The following VAV3 variants were observed in gnomAD, a reference collection of about 807,000 sequenced individuals.
VAV3 encodes guanine nucleotide exchange factor VAV3.
In VAV3, 94 loss-of-function variants were observed where a neutral mutation model predicts 131.2. The ratio of observed to expected loss-of-function variants is 0.72; its 90% CI spans 0.61 to 0.85. VAV3 has a LOEUF of 0.85. Ranked by LOEUF, VAV3 falls within the 40% of genes least tolerant of loss-of-function variation. VAV3 has a pLI of 0.00. For synonymous variants in VAV3, 349 were observed against 342.0 expected (o/e 1.02, Z -0.22); for missense variants, 939 against 1,002.7 (o/e 0.94, Z 0.86).
At chr1:107,702,982 C>A (rs564450160) in intron 17 of VAV3, among the ~76,000 whole-genome samples, 1 of 152,230 alleles carries the variant, frequency 6.6e-6, no homozygotes, top group South Asian at 2.1e-4. Flanking sequence ...GCTCACATAG[C>A]TAACAAATGG....
intron 15 of VAV3, among the ~76,000 whole-genome samples, chr1:107,716,338 C>T (rs1042141457): frequency 6.6e-6 from 1 of 152,128 alleles, no homozygotes; most frequent in Non-Finnish European, 1.5e-5. Context: ...TTTAAAAGTG[C>T]TTTGGTGGGC....
intron 2 of VAV3, among the ~76,000 whole-genome samples, chr1:107,827,520 G>A (rs1338055761): frequency 6.6e-6 from 1 of 152,174 alleles, no homozygotes; most frequent in Non-Finnish European, 1.5e-5. Flanking sequence ...TTGATACAAG[G>A]AGAGAAAACT....
At chr1:107,657,074 C>A (rs1237292434) in intron 19 of VAV3, among the ~76,000 whole-genome samples, 1 of 151,702 alleles carries the variant, frequency 6.6e-6, no homozygotes, top group Non-Finnish European at 1.5e-5. Context: ...CCTGTCTCAG[C>A]CTCCGAAGTA....
chr1:107,948,242 A>C (rs776220785), intron 1 of VAV3, among the ~76,000 whole-genome samples: 2 of 152,194 alleles, frequency 1.3e-5, no homozygotes, highest in Admixed American at 6.5e-5. Flanking sequence ...AAAAATGAAA[A>C]ACATACATGA....
At chr1:107,797,288 T>C (rs1666594419) in intron 2 of VAV3, among the ~76,000 whole-genome samples, 1 of 152,224 alleles carries the variant, frequency 6.6e-6, no homozygotes, top group Admixed American at 6.5e-5. Context: ...TCTTAGTAAT[T>C]CTTAATCTTG....
chr1:107,790,084 C>T (rs998226709), intron 2 of VAV3, among the ~76,000 whole-genome samples: 1 of 152,098 alleles, frequency 6.6e-6, no homozygotes, highest in Non-Finnish European at 1.5e-5. Flanking sequence ...CATCCCAAAG[C>T]CCCCCCAGCT....
chr1:107,764,670 G>A (rs1462988170), intron 9 of VAV3, among the ~76,000 whole-genome samples: 1 of 152,158 alleles, frequency 6.6e-6, no homozygotes, highest in Non-Finnish European at 1.5e-5. Flanking sequence ...CTACAGGCAT[G>A]AGCCACCCTG....
intron 20 of VAV3, among the ~76,000 whole-genome samples, chr1:107,623,381 T>C (rs571291102): frequency 1.3e-5 from 2 of 152,360 alleles, no homozygotes; most frequent in South Asian, 4.1e-4. Context: ...TTACTTCATT[T>C]CTAAGTTTTC....
At chr1:107,764,954 A>G in intron 9 of VAV3, 122 bp downstream of exon 9, 2 of 640,646 alleles carry the variant, frequency 3.1e-6, no homozygotes, top group Non-Finnish European at 5.3e-6. Flanking sequence ...AATATTTTAT[A>G]AAATTGACAT....
intron 2 of VAV3, among the ~76,000 whole-genome samples, chr1:107,829,633 G>C (rs1668159841): frequency 6.6e-6 from 1 of 151,972 alleles, no homozygotes; most frequent in East Asian, 1.9e-4. Flanking sequence ...GGCAGCTGCA[G>C]TCACAAGTAG....
At chr1:107,776,599 T>C (rs375169964) in intron 4 of VAV3, among the ~76,000 whole-genome samples, 3 of 152,232 alleles carry the variant, frequency 2.0e-5, no homozygotes, top group South Asian at 2.1e-4. Context: ...TGAAGTTCCA[T>C]AGCATTTGAA....
chr1:107,672,597 C>T (rs1462143899), intron 19 of VAV3, among the ~76,000 whole-genome samples: 1 of 151,328 alleles, frequency 6.6e-6, no homozygotes, highest in African/African-American at 2.4e-5. Flanking sequence ...ACAAATACAC[C>T]AGAAAAAAAA....
Position 107,591,810 on chromosome 1 carries a change from A to C in VAV3, c.2350+4402T>G, listed in dbSNP as rs549869221. ...AGCCACTTGAGAATAAATTGCAGAC[A>C]TAATGCCCCTTATTGCTAAATACTC... On this transcript the variant is annotated intron_variant, in intron 25 of 26. Coordinates refer to ENST00000370056, the MANE Select transcript of VAV3 (RefSeq NM_006113.5). Among the ~76,000 whole-genome samples, 3 of 152,292 alleles carry C rather than the reference A, an allele frequency of 2.0e-5. No homozygotes were observed. The South Asian group carries it at 6.2e-4, about 32-fold the overall frequency.
chr1:107,742,665 T>A (rs1037686278), intron 15 of VAV3, among the ~76,000 whole-genome samples: 1 of 152,132 alleles, frequency 6.6e-6, no homozygotes, highest in Admixed American at 6.5e-5. Flanking sequence ...GGCTTTCTTT[T>A]CCCCTTTCCC....
chr1:107,879,878 G>A (rs1670685711), intron 1 of VAV3, among the ~76,000 whole-genome samples: 1 of 152,190 alleles, frequency 6.6e-6, no homozygotes, highest in South Asian at 2.1e-4. Flanking sequence ...ATACACAAAA[G>A]TTTAAATAGC....
At chr1:107,689,638 T>C (rs1025500794) in intron 17 of VAV3, among the ~76,000 whole-genome samples, 3 of 152,182 alleles carry the variant, frequency 2.0e-5, no homozygotes, top group South Asian at 2.1e-4. Context: ...TCAAACCCCA[T>C]CACCTTGGCT....
intron 2 of VAV3, chr1:107,820,832 T>C (rs1375050969): frequency 2.6e-5 from 4 of 152,130 alleles, no homozygotes; most frequent in African/African-American, 4.8e-5. Flanking sequence ...CCAATCCATA[T>C]ACTTAGAAGA....
At chr1:107,630,006 G>C (rs908615062) in intron 20 of VAV3, among the ~76,000 whole-genome samples, 2 of 152,016 alleles carry the variant, frequency 1.3e-5, no homozygotes, top group African/African-American at 4.8e-5. Flanking sequence ...TTCCAAATAA[G>C]CCAAAGCACC....
chr1:107,781,859 C>T (rs1381753310), intron 2 of VAV3, among the ~76,000 whole-genome samples: 1 of 152,050 alleles, frequency 6.6e-6, no homozygotes, highest in Non-Finnish European at 1.5e-5. Flanking sequence ...AGTTTGTAAA[C>T]TCAGAAGATC....
Sources: gnomAD v4.1 joint callset for allele counts (sites outside exome capture counted in the v4.1 genomes callset) on GRCh38, gnomAD v4.1.1 for gene constraint, MANE v1.5 for transcripts, NCBI Gene and HGNC (gene_info 2026-07-23, HGNC 2026-07-21) for gene names.